Variants in BSND observed in about 807,000 individuals in gnomAD.
BSND encodes the protein barttin CLCNK type accessory subunit beta.
In BSND, 13 loss-of-function variants were observed where a neutral mutation model predicts 18.8. The observed-to-expected ratio is 0.69, with a 90% CI of 0.45 to 1.10. BSND has a LOEUF of 1.10. Among genes scored for constraint, BSND ranks in the 50% least tolerant of loss-of-function variants. The pLI is 0.00. For synonymous variants in BSND, 170 were observed against 161.8 expected, an observed-to-expected ratio of 1.05 and a Z score of -0.39; for missense variants, 379 against 416.7, an observed-to-expected ratio of 0.91 and a Z score of 0.79.
chr1:55,005,135 CG>C lies in BSND; in HGVS notation c.272+22del. ...TGAAGAGGTAGGTGCCAGGCCCTCT[CG>C]GGAGGGGAGGAGTAAGCCCCATAGG... is the stretch of plus-strand genomic sequence containing the variant. On this transcript the variant is annotated intron_variant, in intron 2 of 3. Transcript: ENST00000651561. 1 of 1,612,552 alleles carries C rather than the reference CG, an allele frequency of 6.2e-7. No individual in the cohort carries two copies.
rs1430184398 is a variant in BSND at position 55,016,214 on chromosome 1, CGGAGAGAGAGAGACAGAT to C, written c.*7604_*7621del. Among the ~76,000 whole-genome samples, 2 of 151,596 alleles carry C rather than the reference CGGAGAGAGAGAGACAGAT, an allele frequency of 1.3e-5. No homozygotes were observed. Among genetic ancestry groups the C allele is most frequent in the Non-Finnish European group, 2.9e-5 (2 of 67,954 alleles). On this transcript the variant is annotated 3_prime_UTR_variant, in exon 4 of 4. Coordinates refer to ENST00000651561, the MANE Select transcript of BSND (RefSeq NM_057176.3). ...GTCTGAAAGAGGTTACAGTTCCTAA[CGGAGAGAGAGAGACAGAT>C]GGAGAGAGAGAGACAGAGAGAGAGA...
At chr1:55,003,532 C>T (rs1644373939) in intron 1 of BSND, among the ~76,000 whole-genome samples, 1 of 152,220 alleles carries the variant, frequency 6.6e-6, no homozygotes. Flanking sequence ...TTCCCTTCTC[C>T]CCATCAGAAT....
chr1:55,007,742 CTGTT>C (rs1238735434), intron 3 of BSND, among the ~76,000 whole-genome samples: 2 of 144,396 alleles, frequency 1.4e-5, no homozygotes, highest in Non-Finnish European at 3.0e-5. Context: ...CCATCCCTGT[CTGTT>C]TGTGAACTGA....
rs886211133 is a variant in BSND, at chr1:55,016,215, G to GGA, written c.*7598_*7599dup. Among the ~76,000 whole-genome samples the GGA allele has an allele frequency of 3.9e-5, 6 of 152,124 alleles. No homozygotes were observed. Among genetic ancestry groups the GGA allele is most frequent in the African/African-American group, 9.6e-5 (4 of 41,502 alleles). On this transcript the variant is annotated 3_prime_UTR_variant, in exon 4 of 4. Coordinates refer to ENST00000651561, the MANE Select transcript of BSND (RefSeq NM_057176.3). ...TCTGAAAGAGGTTACAGTTCCTAAC[G>GGA]GAGAGAGAGAGACAGATGGAGAGAG...
chr1:55,002,752 T>C (rs1219408228), intron 1 of BSND, among the ~76,000 whole-genome samples: 1 of 152,168 alleles, frequency 6.6e-6, no homozygotes, highest in Admixed American at 6.6e-5. Flanking sequence ...ATGGTGATAA[T>C]GAGAGTGCAG....
At position 55,012,355 on chromosome 1, in the gene BSND, AC is replaced by A. The variant is rs1290850574; in HGVS notation, c.*3731del. ...ACAGCCCTGGGGGACCGATCTGTCGACCCCACATTGCAAATGTTTGTTATAA... is the reference window on the plus strand; with the variant it reads ...ACAGCCCTGGGGGACCGATCTGTCGACCCACATTGCAAATGTTTGTTATAA... On this transcript the variant is annotated 3_prime_UTR_variant, in exon 4 of 4. Coordinates refer to ENST00000651561, the MANE Select transcript of BSND (RefSeq NM_057176.3). Among the ~76,000 whole-genome samples the A allele has an allele frequency of 6.6e-6, 1 of 151,976 alleles. No individual in the cohort carries two copies. Among genetic ancestry groups the A allele is most frequent in the Non-Finnish European group, 1.5e-5 (1 of 67,978 alleles).
rs1281690580 is a variant in BSND, at chr1:55,007,125, CT to C, written c.402del (p.Glu135ArgfsTer43). On this transcript the variant is annotated frameshift_variant, in exon 3 of 4. Transcript: ENST00000651561. LOFTEE classifies it high-confidence loss of function. Reference sequence around the variant, plus strand: ...GAGGACCACCGCTCCTTGCTGGCCCCTGAGATGGGGCAGCCGAAGCTGGGAA... The same window carrying C: ...GAGGACCACCGCTCCTTGCTGGCCCCGAGATGGGGCAGCCGAAGCTGGGAA... The part of the protein sequence containing the change: ...YSEDHRSLLA[P>X]EMGQPKLGTS... 3 of 1,614,170 alleles carry C rather than the reference CT, an allele frequency of 1.9e-6. No homozygotes were observed.
chr1:55,006,888 T>C, intron 2 of BSND, 109 bp from the exon 3 acceptor site: 2 of 1,519,790 alleles, frequency 1.3e-6, no homozygotes, highest in Non-Finnish European at 1.8e-6. Flanking sequence ...CCCAAAGGCT[T>C]CTTGTGAGGT....
At position 55,010,572 on chromosome 1, in the gene BSND, C is replaced by A. The variant is rs770790043; in HGVS notation, c.*1944C>A. On this transcript the variant is annotated 3_prime_UTR_variant, in exon 4 of 4. Coordinates refer to ENST00000651561, the MANE Select transcript of BSND (RefSeq NM_057176.3). ...GGTTCCCGGCCTAGGGAAGGGCTTC[C>A]GGGTTGAGGCCGGGGGTCCTGGCCT... is the stretch of plus-strand genomic sequence containing the variant. 6.6e-6 allele frequency: 1 copy of A among 152,302 alleles called. No homozygotes were observed. The allele number at this position is 152,302 out of a possible 1,614,324, so 9.4% of individuals were successfully genotyped here.
At chr1:55,002,142 G>A (rs1644364399) in intron 1 of BSND, among the ~76,000 whole-genome samples, 1 of 152,228 alleles carries the variant, frequency 6.6e-6, no homozygotes, top group African/African-American at 2.4e-5. Flanking sequence ...AAAGCTGTAG[G>A]AACTAAGGTG....
chr1:55,007,363 C>A, intron 3 of BSND, 91 bp downstream of exon 3: 1 of 1,199,758 alleles, frequency 8.3e-7, no homozygotes, highest in Non-Finnish European at 1.1e-6. Context: ...TGGGTGGGGA[C>A]ACTGGGGGTA....
At position 55,007,174 on chromosome 1, in the gene BSND, C is replaced by A. The variant is rs1329162769; in HGVS notation, c.450C>A (p.Gly150=). Residue 150 remains glycine (G), a synonymous_variant, in exon 3 of 4, where the codon GGC becomes GGA. Transcript: ENST00000651561. ...KLGTSDGGEG[G]PGDVQAWMEA... is the part of the protein sequence containing the mutation. ...GAACCAGTGATGGAGGAGAAGGTGG[C>A]CCTGGCGACGTTCAGGCCTGGATGG... 1.2e-6 allele frequency: 2 copies of A among 1,614,104 alleles called. No individual in the cohort carries two copies. Among genetic ancestry groups the A allele is most frequent in the Non-Finnish European group, 8.5e-7 (1 of 1,180,026 alleles).
rs941740925 is a variant in BSND, at chr1:55,015,281, C to T, written c.*6653C>T. Among the ~76,000 whole-genome samples the T allele has an allele frequency of 1.3e-5, 2 of 152,212 alleles. No individual in the cohort carries two copies. The highest frequency in any genetic ancestry group is 4.8e-5 in the African/African-American group (2 of 41,458). ...GGTGGATGCCAGGTCAGGACTGAAG[C>T]TTGCAGAGCCGGTGTCCTGGATTCC... On this transcript the variant is annotated 3_prime_UTR_variant, in exon 4 of 4. Transcript: ENST00000651561.
intron 2 of BSND, 92 bp from the exon 3 acceptor site, chr1:55,006,905 A>AGACCACAT: frequency 6.3e-7 from 1 of 1,580,554 alleles, no homozygotes. Flanking sequence ...AGGTGAGGGG[A>AGACCACAT]GACCACATAC....
rs1241563180 is a variant in BSND at position 55,016,733 on chromosome 1, C to T, written c.*8105C>T. Reference sequence around the variant, plus strand: ...TACAGGAGCACACCACAGTGCCTGGCTTTATCCTGATAATTTACCCTAAGG... The same window carrying T: ...TACAGGAGCACACCACAGTGCCTGGTTTTATCCTGATAATTTACCCTAAGG... On this transcript the variant is annotated 3_prime_UTR_variant, in exon 4 of 4. Coordinates refer to ENST00000651561, the MANE Select transcript of BSND (RefSeq NM_057176.3). Among the ~76,000 whole-genome samples the T allele has an allele frequency of 6.6e-6, 1 of 152,184 alleles. No individual in the cohort carries two copies. Among genetic ancestry groups the T allele is most frequent in the African/African-American group, 2.4e-5 (1 of 41,442 alleles).
chr1:55,012,965 A>G lies in BSND; in HGVS notation c.*4337A>G, dbSNP rs920004286. On this transcript the variant is annotated 3_prime_UTR_variant, in exon 4 of 4. Coordinates refer to ENST00000651561, the MANE Select transcript of BSND (RefSeq NM_057176.3). ...TCATTTCATTGAATTTAATTTTTCC[A>G]TCTGCCCTGAGAGATGGGTATTACC... Among the ~76,000 whole-genome samples the G allele has an allele frequency of 3.9e-5, 6 of 152,132 alleles. No homozygotes were observed. The East Asian group carries it at 7.7e-4, about 20-fold the overall frequency.
In BSND at chr1:55,013,846, C is replaced by T. The variant is rs1644435423; in HGVS notation, c.*5218C>T. ...TGCCATGTGCTCCCGTGCAGCAGCCCCGGCATCCTCACCTTTCCAGCCACC... is the reference window on the plus strand; with the variant it reads ...TGCCATGTGCTCCCGTGCAGCAGCCTCGGCATCCTCACCTTTCCAGCCACC... On this transcript the variant is annotated 3_prime_UTR_variant, in exon 4 of 4. Coordinates refer to ENST00000651561, the MANE Select transcript of BSND (RefSeq NM_057176.3). Among the ~76,000 whole-genome samples the T allele has an allele frequency of 1.3e-5, 2 of 152,130 alleles. No homozygotes were observed. The highest frequency in any genetic ancestry group is 4.8e-5 in the African/African-American group (2 of 41,418).
rs1644346342 is a variant in BSND at position 54,998,945 on chromosome 1, A to T, written c.-242A>T. 2 of 544,650 alleles carry T rather than the reference A, an allele frequency of 3.7e-6. No homozygotes were observed. The highest frequency in any genetic ancestry group is 6.2e-5 in the Admixed American group (2 of 32,112). The allele number at this position is 544,650 out of a possible 1,614,324, so 33.7% of individuals were successfully genotyped here. ...GCCAGCCGGGCCCAGAGGGAAGGTG[A>T]GAGGGCAAGGAGTAAAGGTGGCTGG... On this transcript the variant is annotated 5_prime_UTR_variant, in exon 1 of 4. Coordinates refer to ENST00000651561, the MANE Select transcript of BSND (RefSeq NM_057176.3).
In BSND at chr1:55,014,956, A is replaced by G. The variant is rs149554526; in HGVS notation, c.*6328A>G. 6.1e-3 allele frequency among the ~76,000 whole-genome samples: 932 copies of G among 152,202 alleles called. 5 individuals carry two copies. The highest frequency in any genetic ancestry group is 0.014 in the Middle Eastern group (4 of 294). On this transcript the variant is annotated 3_prime_UTR_variant, in exon 4 of 4. Transcript: ENST00000651561. ...CAAAGCCTTGGGGGAAGGAAGGAGG[A>G]AGAAGGAGACTGTCCTGGCTGGAGT...
Sources: gnomAD v4.1 joint callset for allele counts (sites outside exome capture counted in the v4.1 genomes callset) on GRCh38, gnomAD v4.1.1 for gene constraint, MANE v1.5 for transcripts, NCBI Gene and HGNC (gene_info 2026-07-23, HGNC 2026-07-21) for gene names.